The following DLGAP2 variants were observed in gnomAD, a reference collection of about 807,000 sequenced individuals.
The protein encoded by DLGAP2 is DLG associated protein 2.
DLGAP2 carries 26 observed loss-of-function variants against 100.3 expected under a neutral mutation model. The ratio of observed to expected loss-of-function variants is 0.26; its 90% CI spans 0.19 to 0.36. DLGAP2 has a LOEUF of 0.36. Ranked by LOEUF, DLGAP2 falls within the 10% of genes least tolerant of loss-of-function variation. DLGAP2 has a pLI of 1.00. For synonymous variants in DLGAP2, 886 were observed against 630.1 expected (o/e 1.41, Z -6.08); for missense variants, 1,858 against 1,453.2 (o/e 1.28, Z -4.53).
At chr8:1,064,834 A>G (rs1376693161) in intron 2 of DLGAP2, among the ~76,000 whole-genome samples, 1 of 151,792 alleles carries the variant, frequency 6.6e-6, no homozygotes, top group Non-Finnish European at 1.5e-5. Context: ...GGTCCGTTTC[A>G]CCCCCCTCCA....
intron 2 of DLGAP2, among the ~76,000 whole-genome samples, chr8:916,957 C>A (rs927719897): frequency 2.6e-5 from 4 of 152,188 alleles, no homozygotes; most frequent in Admixed American, 2.6e-4. Context: ...CAGCCTGGGC[C>A]ATAGCCTTCC....
intron 3 of DLGAP2, among the ~76,000 whole-genome samples, chr8:1,320,291 A>G (rs1249966185): frequency 6.6e-6 from 1 of 152,114 alleles, no homozygotes; most frequent in Non-Finnish European, 1.5e-5. Context: ...CCAAGCAGAC[A>G]CAAGGTGGCA....
At chr8:1,373,336 A>G (rs1296064619) in intron 3 of DLGAP2, among the ~76,000 whole-genome samples, 5 of 148,322 alleles carry the variant, frequency 3.4e-5, no homozygotes, top group East Asian at 1.9e-4. Context: ...GCCCTTCCGG[A>G]GGCGCCGCGC....
chr8:890,062 T>A (rs538437752), intron 1 of DLGAP2, among the ~76,000 whole-genome samples: 1 of 152,246 alleles, frequency 6.6e-6, no homozygotes, highest in South Asian at 2.1e-4. Flanking sequence ...TCCTCCTCTC[T>A]GTGGGTCACG....
chr8:1,409,697 C>A (rs1244539833), intron 3 of DLGAP2, among the ~76,000 whole-genome samples: 1 of 152,136 alleles, frequency 6.6e-6, no homozygotes, highest in African/African-American at 2.4e-5. Flanking sequence ...CAGACCCCAC[C>A]CCAGTGCAGG....
At chr8:913,812 A>T (rs577083183) in intron 2 of DLGAP2, among the ~76,000 whole-genome samples, 2 of 152,238 alleles carry the variant, frequency 1.3e-5, no homozygotes, top group Non-Finnish European at 2.9e-5. Context: ...AATTATCCAC[A>T]TGTGACTTTC....
At chr8:1,695,625 A>G (rs926841056) in intron 13 of DLGAP2, among the ~76,000 whole-genome samples, 1 of 151,152 alleles carries the variant, frequency 6.6e-6, no homozygotes, top group East Asian at 2.0e-4. Context: ...GGGCACAGCC[A>G]TGCCCGGCAC....
chr8:1,303,019 G>A (rs1264067507), intron 3 of DLGAP2, among the ~76,000 whole-genome samples: 1 of 152,224 alleles, frequency 6.6e-6, no homozygotes, highest in South Asian at 2.1e-4. Context: ...ATGGGCCTTC[G>A]TAAGGACACA....
chr8:1,475,088 G>A (rs1798895677), intron 3 of DLGAP2, among the ~76,000 whole-genome samples: 1 of 152,122 alleles, frequency 6.6e-6, no homozygotes, highest in Non-Finnish European at 1.5e-5. Context: ...AGAGACACGG[G>A]TGTAGTCAGA....
At chr8:1,433,756 T>TTTTTTTA (rs1797530218) in intron 3 of DLGAP2, among the ~76,000 whole-genome samples, 1 of 147,098 alleles carries the variant, frequency 6.8e-6, no homozygotes. Flanking sequence ...TTTTTTTTTT[T>TTTTTTTA]GCTAGGAGAG....
intron 3 of DLGAP2, among the ~76,000 whole-genome samples, chr8:1,428,177 A>C (rs1460025000): frequency 6.6e-6 from 1 of 152,088 alleles, no homozygotes; most frequent in Non-Finnish European, 1.5e-5. Flanking sequence ...TAGTTAGTTA[A>C]AAATAGACAA....
chr8:1,426,037 G>C (rs748783629), intron 3 of DLGAP2, among the ~76,000 whole-genome samples: 1 of 152,220 alleles, frequency 6.6e-6, no homozygotes, highest in Non-Finnish European at 1.5e-5. Context: ...CTCAGCATGA[G>C]AATGAGACCA....
chr8:1,203,113 T>TGTTAGTTC (rs1188928775), intron 2 of DLGAP2, among the ~76,000 whole-genome samples: 14 of 152,140 alleles, frequency 9.2e-5, no homozygotes, highest in African/African-American at 2.7e-4. Flanking sequence ...GGTTTTTGTT[T>TGTTAGTTC]GTTTGTTAGT....
At chr8:1,550,922 T>G (rs1801743547) in intron 5 of DLGAP2, among the ~76,000 whole-genome samples, 1 of 152,202 alleles carries the variant, frequency 6.6e-6, no homozygotes, top group Non-Finnish European at 1.5e-5. Flanking sequence ...GGGCCTCGCA[T>G]CAGCTTAGAG....
chr8:1,298,826 C>T (rs1002789826), intron 3 of DLGAP2, among the ~76,000 whole-genome samples: 1 of 152,198 alleles, frequency 6.6e-6, no homozygotes, highest in South Asian at 2.1e-4. Flanking sequence ...CGTGGCAGCT[C>T]ATGAACAGGT....
At chr8:905,672 A>G (rs1414043537) in intron 1 of DLGAP2, among the ~76,000 whole-genome samples, 1 of 152,090 alleles carries the variant, frequency 6.6e-6, no homozygotes, top group African/African-American at 2.4e-5. Flanking sequence ...GGTTCTGTGT[A>G]TCGTCAGAAT....
chr8:805,714 T>C (rs1328353844), intron 1 of DLGAP2, among the ~76,000 whole-genome samples: 1 of 152,176 alleles, frequency 6.6e-6, no homozygotes, highest in Admixed American at 6.5e-5. Context: ...AATCATCCCT[T>C]CTCAGCCTCC....
chr8:1,522,384 G>C (rs1800635864), intron 4 of DLGAP2, among the ~76,000 whole-genome samples: 6 of 152,212 alleles, frequency 3.9e-5, no homozygotes, highest in Admixed American at 3.9e-4. Context: ...GTGTGCAGCA[G>C]CCGGGGCCCA....
At chr8:845,517 C>T (rs534209399) in intron 1 of DLGAP2, among the ~76,000 whole-genome samples, 22 of 152,170 alleles carry the variant, frequency 1.4e-4, no homozygotes, top group South Asian at 1.2e-3. Context: ...GGTTATTTGT[C>T]TATTATTGGA....
Sources: gnomAD v4.1 joint callset for allele counts (sites outside exome capture counted in the v4.1 genomes callset) on GRCh38, gnomAD v4.1.1 for gene constraint, MANE v1.5 for transcripts, NCBI Gene and HGNC (gene_info 2026-07-23, HGNC 2026-07-21) for gene names.